Variants in ZFHX3 observed in about 807,000 individuals in gnomAD.
The protein encoded by ZFHX3 is zinc finger homeobox protein 3.
In ZFHX3, 42 loss-of-function variants were observed where a neutral mutation model predicts 279.1. The observed-to-expected ratio is 0.15, with a 90% CI of 0.12 to 0.19. The LOEUF is 0.19. Among genes scored for constraint, ZFHX3 ranks in the 10% least tolerant of loss-of-function variants. The pLI is 1.00. For missense variants in ZFHX3, 4,981 were observed against 4,754.0 expected, an observed-to-expected ratio of 1.05 and a Z score of -1.40; for synonymous variants, 2,293 against 1,957.8, an observed-to-expected ratio of 1.17 and a Z score of -4.52.
intron 3 of ZFHX3, among the ~76,000 whole-genome samples, chr16:73,446,348 T>C (rs930144600): frequency 7.9e-5 from 12 of 152,076 alleles, no homozygotes; most frequent in Non-Finnish European, 1.2e-4. Context: ...CTTACAATCA[T>C]GGTGGAAGGG....
At chr16:73,042,038 C>G (rs938763293) in intron 1 of ZFHX3, among the ~76,000 whole-genome samples, 41 of 152,316 alleles carry the variant, frequency 2.7e-4, no homozygotes, top group Non-Finnish European at 1.3e-4. Flanking sequence ...AAATAGGCCA[C>G]TCAGGAGACT....
chr16:73,093,058 T>C (rs1966108353), intron 8 of ZFHX3: 1 of 519,968 alleles, frequency 1.9e-6, no homozygotes, highest in African/African-American at 1.9e-5. Flanking sequence ...TAACATATCC[T>C]TTTGCTATTT....
intron 4 of ZFHX3, among the ~76,000 whole-genome samples, chr16:72,854,414 G>A (rs994050437): frequency 6.6e-6 from 1 of 152,144 alleles, no homozygotes; most frequent in Non-Finnish European, 1.5e-5. Context: ...TATAAGCCAA[G>A]CTGCATTACT....
At position 73,174,442 on chromosome 16, in the gene ZFHX3, C is replaced by G. The variant is rs988889940; in HGVS notation, c.-1103-30611G>C. On this transcript the variant is annotated intron_variant, in intron 5 of 17. Transcript: ENST00000641206. ...TTCAAGGAATCTATTCCGCGACTCT[C>G]TCTCTTCCCTGTCTTTAGTGGTAGA... Among the ~76,000 whole-genome samples, 28 of 152,200 alleles carry G rather than the reference C, an allele frequency of 1.8e-4. 1 individual carries two copies. The highest frequency in any genetic ancestry group is 2.9e-5 in the Non-Finnish European group (2 of 68,042).
chr16:72,954,068 C>T (rs954979534), intron 2 of ZFHX3, among the ~76,000 whole-genome samples: 1 of 152,124 alleles, frequency 6.6e-6, no homozygotes, highest in Non-Finnish European at 1.5e-5. Context: ...GGAGCAGGGC[C>T]CCTATAAATA....
intron 1 of ZFHX3, among the ~76,000 whole-genome samples, chr16:73,737,011 G>T (rs1479038431): frequency 6.6e-6 from 1 of 152,092 alleles, no homozygotes; most frequent in Non-Finnish European, 1.5e-5. Context: ...GTCTCTTTCT[G>T]TGGTTTTCTG....
rs1279120350 is a variant in ZFHX3, at chr16:73,602,338, G to A, written c.-1547+77842C>T. On this transcript the variant is annotated intron_variant, in intron 2 of 17. Coordinates refer to the ZFHX3 transcript ENST00000641206. ...ATGTATATCACGCAGTGCTGAGACC[G>A]TATGAATACTACAGAACGAGCAGCT... Among the ~76,000 whole-genome samples the A allele has an allele frequency of 2.0e-5, 3 of 152,092 alleles. No individual in the cohort carries two copies. In the East Asian group the frequency reaches 5.8e-4, roughly 29 times the overall value.
At chr16:73,448,534 T>C (rs568601288) in intron 3 of ZFHX3, among the ~76,000 whole-genome samples, 1 of 152,182 alleles carries the variant, frequency 6.6e-6, no homozygotes, top group Non-Finnish European at 1.5e-5. Flanking sequence ...TGAGAAAGTC[T>C]TTAGTGAACG....
At chr16:72,942,253 T>C (rs1960445849) in intron 3 of ZFHX3, among the ~76,000 whole-genome samples, 1 of 152,260 alleles carries the variant, frequency 6.6e-6, no homozygotes, top group Admixed American at 6.5e-5. Flanking sequence ...TTGGCTTTCC[T>C]GCCAGAGTGT....
chr16:73,361,395 C>T (rs750001297), intron 3 of ZFHX3, among the ~76,000 whole-genome samples: 1 of 152,246 alleles, frequency 6.6e-6, no homozygotes, highest in Non-Finnish European at 1.5e-5. Context: ...AGAGAGAAAA[C>T]GTGGAGAGGG....
At chr16:73,628,958 G>A (rs1198156108) in intron 2 of ZFHX3, among the ~76,000 whole-genome samples, 1 of 152,100 alleles carries the variant, frequency 6.6e-6, no homozygotes, top group Non-Finnish European at 1.5e-5. Flanking sequence ...GGAAAGAAGG[G>A]GTGTGTGGCT....
At chr16:73,330,689 T>C (rs368288731) in intron 3 of ZFHX3, among the ~76,000 whole-genome samples, 1 of 152,278 alleles carries the variant, frequency 6.6e-6, no homozygotes, top group Middle Eastern at 3.4e-3. Context: ...GGCAAGGGCA[T>C]GTTGATGCTG....
chr16:72,974,307 G>C (rs887593893), intron 1 of ZFHX3, among the ~76,000 whole-genome samples: 1 of 152,198 alleles, frequency 6.6e-6, no homozygotes, highest in African/African-American at 2.4e-5. Context: ...GTACGTCCTC[G>C]CAATGATTCC....
At chr16:73,768,678 A>G (rs977832892) in intron 1 of ZFHX3, among the ~76,000 whole-genome samples, 3 of 152,314 alleles carry the variant, frequency 2.0e-5, no homozygotes, top group East Asian at 3.9e-4. Context: ...TGTAAATGTT[A>G]TAGAATCATC....
chr16:73,780,269 T>C (rs1192176709), intron 1 of ZFHX3, among the ~76,000 whole-genome samples: 1 of 151,200 alleles, frequency 6.6e-6, no homozygotes, highest in Non-Finnish European at 1.5e-5. Flanking sequence ...TGCCTCAGCC[T>C]CCTGAGTAGC....
intron 3 of ZFHX3, among the ~76,000 whole-genome samples, chr16:73,364,282 G>C (rs1038080343): frequency 6.6e-6 from 1 of 151,082 alleles, no homozygotes; most frequent in Non-Finnish European, 1.5e-5. Flanking sequence ...CCTGTGATTT[G>C]ATTTCTGACT....
At chr16:73,149,796 T>C (rs1461456721) in intron 5 of ZFHX3, among the ~76,000 whole-genome samples, 2 of 152,208 alleles carry the variant, frequency 1.3e-5, no homozygotes, top group Non-Finnish European at 2.9e-5. Context: ...ATTTAATATT[T>C]ATTGTCTTCA....
intron 7 of ZFHX3, among the ~76,000 whole-genome samples, chr16:72,808,287 C>T (rs1597258346): frequency 6.6e-6 from 1 of 152,176 alleles, no homozygotes; most frequent in East Asian, 1.9e-4. Context: ...CAAATACGAT[C>T]TCAGGTTCAC....
rs1473940750 is a variant in ZFHX3 at position 72,958,408 on chromosome 16, T to C, written c.1738A>G (p.Asn580Asp). ...AGCCTCCTGCCGCCCTCTGCCACAT[T>C]GGCCCTGACGCCCTCACTGTTAAAG... ...LSFNSEGVRANVAEGGRRLDF... is the reference protein window; with the variant it reads ...LSFNSEGVRADVAEGGRRLDF... The change falls in exon 2 of 10, where the codon AAT (asparagine) becomes GAT (aspartate). Residue 580 changes from asparagine to aspartate, a missense_variant. Coordinates refer to ENST00000268489, the MANE Select transcript of ZFHX3 (RefSeq NM_006885.4). 2 of 1,614,204 alleles carry C rather than the reference T, an allele frequency of 1.2e-6. No homozygotes were observed. The highest frequency in any genetic ancestry group is 8.5e-7 in the Non-Finnish European group (1 of 1,180,038).
Sources: allele counts gnomAD v4.1 joint callset (sites outside exome capture counted in the v4.1 genomes callset), GRCh38; gene constraint gnomAD v4.1.1; transcripts MANE v1.5; gene names NCBI Gene and HGNC (gene_info 2026-07-23, HGNC 2026-07-21).